The following MAPKAPK2 variants were observed in gnomAD, a reference collection of about 807,000 sequenced individuals.
MAPKAPK2 encodes MAP kinase-activated protein kinase 2.
MAPKAPK2 carries 9 observed loss-of-function variants against 48.8 expected under a neutral mutation model. The observed-to-expected ratio is 0.18, with a 90% CI of 0.11 to 0.32. The LOEUF is 0.32. MAPKAPK2 is among the 10% of genes least tolerant of loss of function. MAPKAPK2 has a pLI of 1.00. For missense variants in MAPKAPK2, 331 were observed against 498.3 expected (o/e 0.66, Z 3.20); for synonymous variants, 202 against 190.6 (o/e 1.06, Z -0.49).
intron 1 of MAPKAPK2, chr1:206,695,784 A>C: frequency 3.9e-6 from 1 of 256,824 alleles, no homozygotes; most frequent in Non-Finnish European, 7.4e-6. Context: ...TTTTTTTTTT[A>C]ACAGGAAGGT....
At position 206,685,239 on chromosome 1, in the gene MAPKAPK2, A is replaced by G. The variant is rs1672238977; in HGVS notation, c.10A>G (p.Asn4Asp). The G allele has an allele frequency of 1.8e-6, 1 of 542,056 alleles. No individual in the cohort carries two copies. Among genetic ancestry groups the G allele is most frequent in the Admixed American group, 4.0e-5 (1 of 25,096 alleles). The allele number at this position is 542,056 out of a possible 1,614,324, so 33.6% of individuals were successfully genotyped here. A position where few individuals can be genotyped will look rare whatever the true frequency, so the allele number is the denominator to read the frequency against. MLS[N>D]SQGQSPPVPF... ...GGCGTCCCCGGGCACCATGCTGTCC[A>G]ACTCCCAGGGCCAGAGCCCGCCGGT... Residue 4 changes from asparagine to aspartate, a missense_variant, in exon 1 of 10, where the codon AAC becomes GAC. Around this residue, in one of 4 missense-constraint regions of MAPKAPK2, gnomAD observed 93 missense variants for 81.0 expected, o/e 1.15. Coordinates refer to ENST00000367103, the MANE Select transcript of MAPKAPK2 (RefSeq NM_032960.4).
At chr1:206,705,109 C>T (rs1553428382) in intron 1 of MAPKAPK2, among the ~76,000 whole-genome samples, 1 of 152,198 alleles carries the variant, frequency 6.6e-6, no homozygotes. Context: ...GAAATGGCAA[C>T]AGCCCCCCTT....
intron 1 of MAPKAPK2, among the ~76,000 whole-genome samples, chr1:206,724,270 C>T (rs923706402): frequency 6.6e-6 from 1 of 152,216 alleles, no homozygotes; most frequent in Non-Finnish European, 1.5e-5. Flanking sequence ...TCCTGCTTTC[C>T]TTCCCTGTCT....
In MAPKAPK2 at chr1:206,734,163, G is replaced by A. The variant is rs1674041378; in HGVS notation, c.*1445G>A. 2 of 152,934 alleles carry A rather than the reference G, an allele frequency of 1.3e-5. No individual in the cohort carries two copies. Among genetic ancestry groups the A allele is most frequent in the Non-Finnish European group, 1.5e-5 (1 of 68,054 alleles). 9.5% of individuals were successfully genotyped at this position (152,934 alleles called of 1,614,324 possible). ...GCCCAGGGTCGTCTTTGTGTATGGG[G>A]GAAGGCGCTGGGTGCCTGCAGCGCC... is the stretch of plus-strand genomic sequence containing the variant. On this transcript the variant is annotated 3_prime_UTR_variant, in exon 10 of 10. Transcript: ENST00000367103.
At chr1:206,727,293 C>T (rs7547981) in intron 1 of MAPKAPK2, among the ~76,000 whole-genome samples, 75 of 152,326 alleles carry the variant, frequency 4.9e-4, no homozygotes, top group African/African-American at 1.7e-3. Flanking sequence ...CACAACAAAT[C>T]TGTGAAACAG....
At chr1:206,696,306 A>G in intron 1 of MAPKAPK2, 2 of 879,418 alleles carry the variant, frequency 2.3e-6, no homozygotes, top group Non-Finnish European at 3.9e-6. Flanking sequence ...ACAGGAACGC[A>G]AGGCACCTCT....
At chr1:206,727,812 A>G (rs981089409) in intron 1 of MAPKAPK2, among the ~76,000 whole-genome samples, 1 of 151,978 alleles carries the variant, frequency 6.6e-6, no homozygotes, top group Non-Finnish European at 1.5e-5. Context: ...GTTAGTAGGG[A>G]CGGGGTTTCA....
chr1:206,712,426 T>C (rs1031166094), intron 1 of MAPKAPK2, among the ~76,000 whole-genome samples: 2 of 152,242 alleles, frequency 1.3e-5, no homozygotes, highest in Non-Finnish European at 2.9e-5. Flanking sequence ...ACCTTGGCTC[T>C]CATTCATGTT....
Position 206,733,959 on chromosome 1 carries a change from C to T in MAPKAPK2, c.*1241C>T, listed in dbSNP as rs2102420087. 1 of 152,990 alleles carries T rather than the reference C, an allele frequency of 6.5e-6. No individual in the cohort carries two copies. The highest frequency in any genetic ancestry group is 1.5e-5 in the Non-Finnish European group (1 of 68,174). 9.5% of individuals were successfully genotyped at this position (152,990 alleles called of 1,614,324 possible). A position where few individuals can be genotyped will look rare whatever the true frequency, so the allele number is the denominator to read the frequency against. ...GCCCCCTTGCCCATCAGCCATTTGC[C>T]ATCACCCCAAACAACTCAGCTTCGG... On this transcript the variant is annotated 3_prime_UTR_variant, in exon 10 of 10. Coordinates refer to ENST00000367103, the MANE Select transcript of MAPKAPK2 (RefSeq NM_032960.4).
At position 206,731,202 on chromosome 1, in the gene MAPKAPK2, C is replaced by G. The variant is rs1553432605; in HGVS notation, c.832C>G (p.Arg278Gly). ...TGCCATCTCTCCGGGCATGAAGACT[C>G]GCATCCGAATGGGCCAGTATGAATT... is the stretch of plus-strand genomic sequence containing the variant. ...GLAISPGMKT[R>G]IRMGQYEFPN... The change falls in exon 7 of 10, where the codon CGC (arginine) becomes GGC (glycine). Residue 278 changes from arginine to glycine, a missense_variant. This residue lies in a region of MAPKAPK2 where 124 missense variants were observed against 194.6 expected (regional missense o/e 0.64). Transcript: ENST00000367103. This position sits in a 1 kb window ranked among gnomAD's most constrained non-coding sequence, Gnocchi z 5.9. The G allele has an allele frequency of 6.2e-7, 1 of 1,614,070 alleles. No individual in the cohort carries two copies. The highest frequency in any genetic ancestry group is 1.3e-5 in the African/African-American group (1 of 74,914).
At chr1:206,718,356 C>T (rs977974648) in intron 1 of MAPKAPK2, among the ~76,000 whole-genome samples, 26 of 151,962 alleles carry the variant, frequency 1.7e-4, no homozygotes, top group African/African-American at 5.8e-4. Flanking sequence ...ATGGTGAAAC[C>T]CTGTCTCTAC....
intron 5 of MAPKAPK2, 130 bp downstream of exon 5, chr1:206,730,228 G>C (rs1321777456): frequency 9.2e-7 from 1 of 1,089,418 alleles, no homozygotes; most frequent in East Asian, 2.4e-5. Flanking sequence ...TGCTGGTTCT[G>C]CTGGGACCTG....
At chr1:206,686,561 A>C (rs967842897) in intron 1 of MAPKAPK2, among the ~76,000 whole-genome samples, 15 of 152,138 alleles carry the variant, frequency 9.9e-5, no homozygotes, top group African/African-American at 3.6e-4. Flanking sequence ...GTGACGCCTC[A>C]GGTCTGTTTC....
At chr1:206,687,513 A>G (rs782484489) in intron 1 of MAPKAPK2, among the ~76,000 whole-genome samples, 3 of 152,220 alleles carry the variant, frequency 2.0e-5, no homozygotes, top group Non-Finnish European at 2.9e-5. Flanking sequence ...TTTCCCACAC[A>G]CGTCTTTGTG....
intron 1 of MAPKAPK2, among the ~76,000 whole-genome samples, chr1:206,691,904 C>G (rs1389897001): frequency 1.3e-5 from 2 of 152,216 alleles, no homozygotes; most frequent in Non-Finnish European, 2.9e-5. Flanking sequence ...GCTGCTCCTT[C>G]TCTTGTGTGA....
At position 206,729,382 on chromosome 1, in the gene MAPKAPK2, C is replaced by G; in HGVS notation, c.485-14C>G. On this transcript the variant is annotated splice_polypyrimidine_tract_variant and intron_variant, in intron 3 of 9. Coordinates refer to ENST00000367103, the MANE Select transcript of MAPKAPK2 (RefSeq NM_032960.4). The stretch of plus-strand genomic sequence containing the variant: ...TGACTTTCTTTCCCACTCACTCTTC[C>G]CTCCCCTCTACAGAAGCATCCGAAA... 1.2e-6 allele frequency: 2 copies of G among 1,606,096 alleles called. No homozygotes were observed. Among genetic ancestry groups the G allele is most frequent in the Non-Finnish European group, 1.7e-6 (2 of 1,172,814 alleles).
intron 1 of MAPKAPK2, among the ~76,000 whole-genome samples, chr1:206,694,823 A>C (rs1672564295): frequency 1.3e-5 from 2 of 152,250 alleles, no homozygotes; most frequent in Admixed American, 1.3e-4. Flanking sequence ...GCAAGGGGTC[A>C]TCCCATACCT....
intron 1 of MAPKAPK2, among the ~76,000 whole-genome samples, chr1:206,726,373 C>T (rs926567393): frequency 7.9e-5 from 12 of 152,296 alleles, no homozygotes; most frequent in Admixed American, 7.2e-4. Context: ...GGCAACAGAG[C>T]GAGACCCTGT....
chr1:206,724,664 A>C (rs1480545764), intron 1 of MAPKAPK2, among the ~76,000 whole-genome samples: 1 of 151,858 alleles, frequency 6.6e-6, no homozygotes, highest in Non-Finnish European at 1.5e-5. Context: ...AATTTAAAAT[A>C]CTACCTTTTC....
Sources: gnomAD v4.1 joint callset for allele counts (sites outside exome capture counted in the v4.1 genomes callset) on GRCh38, gnomAD v4.1.1 for gene constraint, gnomAD v4.1.1 regional missense constraint, Gnocchi (gnomAD v3.1) non-coding constraint, MANE v1.5 for transcripts, NCBI Gene and HGNC (gene_info 2026-07-23, HGNC 2026-07-21) for gene names.